The following TMEM167A variants were observed in gnomAD, a reference collection of about 807,000 sequenced individuals.
TMEM167A encodes protein kish-A.
TMEM167A carries 8 observed loss-of-function variants against 11.6 expected under a neutral mutation model. The ratio of observed to expected loss-of-function variants is 0.69; its 90% CI spans 0.40 to 1.24. TMEM167A has a LOEUF of 1.24. Ranked by LOEUF, TMEM167A falls within the 50% of genes most tolerant of loss-of-function variation. TMEM167A has a pLI of 0.01. For missense variants in TMEM167A, 62 were observed against 87.0 expected (o/e 0.71, Z 1.14); for synonymous variants, 22 against 28.0 (o/e 0.79, Z 0.67).
chr5:83,054,367 C>G lies in TMEM167A; in HGVS notation c.*2717G>C, dbSNP rs1407253576. The G allele has an allele frequency of 6.6e-6, 1 of 150,520 alleles. No individual in the cohort carries two copies. Among genetic ancestry groups the G allele is most frequent in the Non-Finnish European group, 1.5e-5 (1 of 67,928 alleles). 9.3% of individuals were successfully genotyped at this position (150,520 alleles called of 1,614,324 possible). On this transcript the variant is annotated 3_prime_UTR_variant, in exon 4 of 4. Coordinates refer to ENST00000502346, the MANE Select transcript of TMEM167A (RefSeq NM_174909.5). ...GACAACGCCCTTCCTATTAGCACAG[C>G]TGAAGCCAATCCAGAACTAAACATC...
At chr5:83,058,926 T>C (rs1171553130) in intron 3 of TMEM167A, among the ~76,000 whole-genome samples, 1 of 152,092 alleles carries the variant, frequency 6.6e-6, no homozygotes, top group Non-Finnish European at 1.5e-5. Context: ...GATAAGATGA[T>C]TTGGCTAGGT....
At position 83,077,382 on chromosome 5, in the gene TMEM167A, G is replaced by A; in HGVS notation, c.-59C>T. The A allele has an allele frequency of 1.2e-6, 2 of 1,613,628 alleles. No homozygotes were observed. Among genetic ancestry groups the A allele is most frequent in the Non-Finnish European group, 8.5e-7 (1 of 1,179,580 alleles). On this transcript the variant is annotated 5_prime_UTR_variant, in exon 1 of 4. The change creates a premature stop within an existing upstream ORF in the 5' untranslated region. Transcript: ENST00000502346. ...TTCCGGGGCTCAGGCGGAAGAGGCT[G>A]CATGTCCCGTCTGCCCTTCTCGCCC...
At chr5:83,057,213 A>ATAGCC in intron 3 of TMEM167A, 59 bp from the exon 4 acceptor site, 1 of 1,434,280 alleles carries the variant, frequency 7.0e-7, no homozygotes, top group Non-Finnish European at 9.8e-7. Context: ...TGGCTATGAC[A>ATAGCC]AGGTTATACT....
intron 1 of TMEM167A, among the ~76,000 whole-genome samples, chr5:83,076,008 T>C (rs890755852): frequency 6.6e-6 from 1 of 152,240 alleles, no homozygotes; most frequent in African/African-American, 2.4e-5. Flanking sequence ...TATGTACTTA[T>C]ATTTATAAGA....
In TMEM167A at chr5:83,066,577, T is replaced by C. The variant is rs80293581; in HGVS notation, c.4-1460A>G. 9.0e-3 allele frequency among the ~76,000 whole-genome samples: 1,366 copies of C among 152,230 alleles called. 8 individuals carry two copies. The highest frequency in any genetic ancestry group is 0.024 in the Middle Eastern group (7 of 294). Reference sequence around the variant, plus strand: ...TAAGCTTAACAAGAAATGTGCAACATTGGCATCAAAGAAAAAAACTGACAA... The same window carrying C: ...TAAGCTTAACAAGAAATGTGCAACACTGGCATCAAAGAAAAAAACTGACAA... On this transcript the variant is annotated intron_variant, in intron 1 of 3. Coordinates refer to ENST00000502346, the MANE Select transcript of TMEM167A (RefSeq NM_174909.5).
intron 1 of TMEM167A, among the ~76,000 whole-genome samples, chr5:83,065,329 T>C (rs1036601808): frequency 5.3e-5 from 8 of 152,068 alleles, no homozygotes; most frequent in Admixed American, 2.6e-4. Flanking sequence ...GCAGAATTAC[T>C]AGCTTTTCTA....
intron 1 of TMEM167A, 95 bp downstream of exon 1, chr5:83,077,226 C>G (rs1264325290): frequency 6.3e-7 from 1 of 1,588,278 alleles, no homozygotes; most frequent in Non-Finnish European, 8.6e-7. Flanking sequence ...GCTCCGGGCC[C>G]ACACACCCCG....
Position 83,074,502 on chromosome 5 carries a change from C to T in TMEM167A, c.3+2819G>A, listed in dbSNP as rs564597330. ...ACTCAGTTTAATTATGAAATGTGGG[C>T]AATCATTCCTGCTTTGCAGAGTTTG... On this transcript the variant is annotated intron_variant, in intron 1 of 3. Transcript: ENST00000502346. Among the ~76,000 whole-genome samples the T allele has an allele frequency of 5.3e-5, 8 of 152,280 alleles. No individual in the cohort carries two copies. In the South Asian group the frequency reaches 1.4e-3, roughly 28 times the overall value.
At chr5:83,066,200 T>C (rs193089634) in intron 1 of TMEM167A, among the ~76,000 whole-genome samples, 22 of 152,246 alleles carry the variant, frequency 1.4e-4, no homozygotes, top group African/African-American at 5.3e-4. Flanking sequence ...AACATTTTCA[T>C]CATATACAGG....
At position 83,055,017 on chromosome 5, in the gene TMEM167A, T is replaced by G. The variant is rs758288879; in HGVS notation, c.*2067A>C. 2.0e-5 allele frequency: 3 copies of G among 151,944 alleles called. No homozygotes were observed. The highest frequency in any genetic ancestry group is 4.4e-5 in the Non-Finnish European group (3 of 67,936). 9.4% of individuals were successfully genotyped at this position (151,944 alleles called of 1,614,324 possible). On this transcript the variant is annotated 3_prime_UTR_variant, in exon 4 of 4. Coordinates refer to ENST00000502346, the MANE Select transcript of TMEM167A (RefSeq NM_174909.5). ...GTGGTCCTCTTTGAAAAATATACAT[T>G]AAAGAAAATGTTAATTGCTTTTATT... is the stretch of plus-strand genomic sequence containing the variant.
chr5:83,075,760 C>T (rs6888036), intron 1 of TMEM167A, among the ~76,000 whole-genome samples: 384 of 150,986 alleles, frequency 2.5e-3, no homozygotes, highest in African/African-American at 8.6e-3. Flanking sequence ...AAAAAAAAAT[C>T]ATTAAAATAC....
At position 83,057,171 on chromosome 5, in the gene TMEM167A, G is replaced by A; in HGVS notation, c.149-17C>T. ...TCCGTTCACCTGTTGAAAAAAAGGA[G>A]ATGTTCATCTTGATTAACTGAGTGG... is the stretch of plus-strand genomic sequence containing the variant. On this transcript the variant is annotated splice_polypyrimidine_tract_variant and intron_variant, in intron 3 of 3. Transcript: ENST00000502346. 6.2e-7 allele frequency: 1 copy of A among 1,609,904 alleles called. No homozygotes were observed. The highest frequency in any genetic ancestry group is 8.5e-7 in the Non-Finnish European group (1 of 1,177,512).
chr5:83,057,175 T>C (rs1438846732), intron 3 of TMEM167A, 21 bp from the exon 4 acceptor site: 1 of 1,607,528 alleles, frequency 6.2e-7, no homozygotes, highest in Non-Finnish European at 8.5e-7. Context: ...AAAGGAGATG[T>C]TCATCTTGAT....
chr5:83,066,763 G>C (rs1034229106), intron 1 of TMEM167A, among the ~76,000 whole-genome samples: 8 of 152,032 alleles, frequency 5.3e-5, no homozygotes, highest in African/African-American at 1.9e-4. Flanking sequence ...TGGGGACGGG[G>C]TGGTGGGGGG....
rs1744341178 is a variant in TMEM167A, at chr5:83,056,973, T to C, written c.*111A>G. The C allele has an allele frequency of 7.5e-6, 7 of 928,440 alleles. No individual in the cohort carries two copies. The highest frequency in any genetic ancestry group is 1.2e-5 in the Non-Finnish European group (7 of 580,852). 57.5% of individuals were successfully genotyped at this position (928,440 alleles called of 1,614,324 possible). On this transcript the variant is annotated 3_prime_UTR_variant, in exon 4 of 4. Coordinates refer to ENST00000502346, the MANE Select transcript of TMEM167A (RefSeq NM_174909.5). ...AGAGAACAGCATCTGGAAATTTATC[T>C]CATTCAATGTTCGGAGATAAAAGAG...
intron 1 of TMEM167A, among the ~76,000 whole-genome samples, chr5:83,070,405 T>G (rs1237211281): frequency 2.0e-5 from 3 of 152,166 alleles, no homozygotes; most frequent in African/African-American, 7.2e-5. Context: ...CAACTCATAA[T>G]CAATAAGATC....
Position 83,056,674 on chromosome 5 carries a change from C to A in TMEM167A, c.*410G>T. ...GCAATCCTTATCAACACAAATTGAGCCATTTTAATAAAAAAGCTAGTCCAA... is the reference window on the plus strand; with the variant it reads ...GCAATCCTTATCAACACAAATTGAGACATTTTAATAAAAAAGCTAGTCCAA... On this transcript the variant is annotated 3_prime_UTR_variant, in exon 4 of 4. Transcript: ENST00000502346. 4.4e-6 allele frequency: 1 copy of A among 229,198 alleles called. No individual in the cohort carries two copies. Among genetic ancestry groups the A allele is most frequent in the South Asian group, 5.5e-5 (1 of 18,076 alleles). The allele number at this position is 229,198 out of a possible 1,614,324, so 14.2% of individuals were successfully genotyped here.
rs1744292170 is a variant in TMEM167A at position 83,053,832 on chromosome 5, A to G, written c.*3252T>C. 1 of 152,032 alleles carries G rather than the reference A, an allele frequency of 6.6e-6. No homozygotes were observed. Among genetic ancestry groups the G allele is most frequent in the African/African-American group, 2.4e-5 (1 of 41,436 alleles). The allele number at this position is 152,032 out of a possible 1,614,324, so 9.4% of individuals were successfully genotyped here. A position where few individuals can be genotyped will look rare whatever the true frequency, so the allele number is the denominator to read the frequency against. On this transcript the variant is annotated 3_prime_UTR_variant, in exon 4 of 4. Transcript: ENST00000502346. ...TCACTCTTCTTTATTTTCTTCTAGA[A>G]TCCTGGGATTATCTGAATAATAAAT...
intron 2 of TMEM167A, among the ~76,000 whole-genome samples, chr5:83,063,875 T>A (rs1465839178): frequency 6.6e-6 from 1 of 151,202 alleles, no homozygotes; most frequent in Non-Finnish European, 1.5e-5. Context: ...TTCTATATTA[T>A]TTGAAGTAGC....
Sources: gnomAD v4.1 joint callset for allele counts (sites outside exome capture counted in the v4.1 genomes callset) on GRCh38, gnomAD v4.1.1 for gene constraint, MANE v1.5 for transcripts, NCBI Gene and HGNC (gene_info 2026-07-23, HGNC 2026-07-21) for gene names.